The following FAT2 variants were observed in gnomAD, a reference collection of about 807,000 sequenced individuals.
FAT2 encodes the protein FAT atypical cadherin 2, also known as protocadherin Fat 2.
A neutral mutation model predicts 295.3 loss-of-function variants in FAT2; 150 were observed. The ratio of observed to expected loss-of-function variants is 0.51; its 90% CI spans 0.44 to 0.58. The LOEUF is 0.58. Among genes scored for constraint, FAT2 ranks in the 20% least tolerant of loss-of-function variants. FAT2 has a pLI of 0.00. For synonymous variants in FAT2, 2,026 were observed against 2,150.3 expected, an observed-to-expected ratio of 0.94 and a Z score of 1.60; for missense variants, 4,868 against 5,442.7, an observed-to-expected ratio of 0.89 and a Z score of 3.32.
At chr5:151,569,471 A>T (rs1897564) in intron 1 of FAT2, among the ~76,000 whole-genome samples, 140,593 of 152,170 alleles carry the variant, frequency 0.92, 65,272 homozygotes, top group African/African-American at 0.97. Context: ...CCCATGATAC[A>T]GGGGGATTAT....
Position 151,505,758 on chromosome 5 carries a change from C to A in FAT2, c.12857G>T (p.Gly4286Val), listed in dbSNP as rs1290956075. Residue 4286 changes from glycine (G) to valine (V), a missense_variant, in exon 24 of 24, where the codon GGA becomes GTA. By Grantham distance (109) the Gly-to-Val change is moderately radical. This residue lies in a region of FAT2 where 492 missense variants were observed against 482.6 expected (regional missense o/e 1.02). Transcript: ENST00000261800. ...YYHSQFRQGGGGPCLADGGYK... is the reference protein window; with the variant it reads ...YYHSQFRQGGVGPCLADGGYK... Reference sequence around the variant, plus strand: ...GCCCCCGTCTGCCAGGCAGGGCCCTCCCCCTCCCTGCCGGAACTGCGAGTG... The same window carrying A: ...GCCCCCGTCTGCCAGGCAGGGCCCTACCCCTCCCTGCCGGAACTGCGAGTG... 6.2e-7 allele frequency: 1 copy of A among 1,613,484 alleles called. No individual in the cohort carries two copies. Among genetic ancestry groups the A allele is most frequent in the Non-Finnish European group, 8.5e-7 (1 of 1,179,472 alleles).
intron 15 of FAT2, among the ~76,000 whole-genome samples, chr5:151,528,651 A>G (rs1259144150): frequency 6.6e-6 from 1 of 152,182 alleles, no homozygotes; most frequent in Non-Finnish European, 1.5e-5. Flanking sequence ...TGGTTGGAGC[A>G]TAGGGTGCAC....
At chr5:151,551,440 C>G in intron 7 of FAT2, 27 bp downstream of exon 7, 1 of 1,611,212 alleles carries the variant, frequency 6.2e-7, no homozygotes. Flanking sequence ...CCTCTCAATA[C>G]AGGGGTCCCC....
Position 151,567,687 on chromosome 5 carries a change from G to A in FAT2, c.1245C>T (p.Ile415=), listed in dbSNP as rs1758343222. 1 of 1,614,164 alleles carries A rather than the reference G, an allele frequency of 6.2e-7. No individual in the cohort carries two copies. The highest frequency in any genetic ancestry group is 8.5e-7 in the Non-Finnish European group (1 of 1,180,042). Residue 415 remains isoleucine (I), a synonymous_variant, in exon 2 of 24, where the codon ATC becomes ATT. Coordinates refer to ENST00000261800, the MANE Select transcript of FAT2 (RefSeq NM_001447.3). Reference sequence around the variant, plus strand: ...GGAAGTCCATGAGCTTTGTGGTGGTGATCAACCCAGTTCGAGCATTAAGTT... The same window carrying A: ...GGAAGTCCATGAGCTTTGTGGTGGTAATCAACCCAGTTCGAGCATTAAGTT... ...GFKLNARTGL[I]TTTKLMDFHD...
intron 9 of FAT2, 56 bp from the exon 10 acceptor site, chr5:151,546,393 G>A: frequency 1.5e-6 from 2 of 1,367,276 alleles, no homozygotes; most frequent in African/African-American, 1.4e-5. Flanking sequence ...GTATCAGCTA[G>A]GCTTTCTAGA....
At chr5:151,578,702 T>TA (rs1398907899) in intron 1 of FAT2, among the ~76,000 whole-genome samples, 2 of 152,222 alleles carry the variant, frequency 1.3e-5, no homozygotes, top group Admixed American at 6.5e-5. Context: ...ATAGCCAAGA[T>TA]ATGGAATTAC....
At chr5:151,576,794 T>G (rs1303336360) in intron 1 of FAT2, among the ~76,000 whole-genome samples, 1 of 152,146 alleles carries the variant, frequency 6.6e-6, no homozygotes, top group African/African-American at 2.4e-5. Flanking sequence ...ATTCATGGTT[T>G]TTGAGAAGTT....
chr5:151,546,120 G>T lies in FAT2; in HGVS notation c.5007C>A (p.Ile1669=), dbSNP rs35652220. Residue 1669 remains isoleucine, a synonymous_variant, in exon 10 of 24, where the codon ATC becomes ATA. Transcript: ENST00000261800. ...IFSKSEYFVE[I]PESIPVGSPI... ...GGGAACCAACAGGGATTGATTCAGG[G>T]ATCTCTACAAAGTACTCAGATTTTG... The T allele has an allele frequency of 1.8e-3, 2,971 of 1,614,106 alleles. 42 individuals carry two copies. In the African/African-American group the frequency reaches 0.035, roughly 19 times the overall value.
chr5:151,539,996 G>A (rs1755938766), intron 11 of FAT2, among the ~76,000 whole-genome samples: 2 of 152,258 alleles, frequency 1.3e-5, no homozygotes, highest in African/African-American at 4.8e-5. Context: ...CATGGGGTGA[G>A]GGGTTTGTCT....
In FAT2 at chr5:151,550,659, A is replaced by G. The variant is rs763122426; in HGVS notation, c.4509T>C (p.Ser1503=). 1.2e-6 allele frequency: 2 copies of G among 1,614,154 alleles called. No individual in the cohort carries two copies. The highest frequency in any genetic ancestry group is 2.2e-5 in the South Asian group (2 of 91,062). The part of the protein sequence containing the change: ...SASLFQLDPS[S]GVLVTVGKLD... ...ATTTTCCCACCGTTACCAGGACACC[A>G]CTGCTTGGGTCCAGCTGGAAGAGGC... is the stretch of plus-strand genomic sequence containing the variant. The change falls in exon 8 of 24, where the codon AGT becomes AGC. Residue 1503 remains serine (S), a synonymous_variant. Transcript: ENST00000261800.
chr5:151,556,912 A>G lies in FAT2; in HGVS notation c.3575-510T>C, dbSNP rs144047191. ...ACTGTAGGCTGAGGAGCATCAGAAC[A>G]CTAAGGGGAAATGAAACTCGGGGGA... On this transcript the variant is annotated intron_variant, in intron 3 of 23. Transcript: ENST00000261800. 6.9e-4 allele frequency among the ~76,000 whole-genome samples: 105 copies of G among 152,314 alleles called. 2 individuals are homozygous for G. Among genetic ancestry groups the G allele is most frequent in the African/African-American group, 2.4e-3 (99 of 41,566 alleles).
At chr5:151,553,416 G>A in intron 5 of FAT2, 29 bp from the exon 6 acceptor site, 1 of 1,604,516 alleles carries the variant, frequency 6.2e-7, no homozygotes, top group Non-Finnish European at 8.5e-7. Flanking sequence ...CAAAACTGAG[G>A]TTTGGGGCCA....
intron 6 of FAT2, 117 bp downstream of exon 6, chr5:151,553,060 G>C: frequency 1.0e-6 from 1 of 983,436 alleles, no homozygotes. Context: ...GGCTGAAAGA[G>C]GGGCTGCCGA....
chr5:151,545,579 A>G lies in FAT2; in HGVS notation c.5548T>C (p.Leu1850=). Residue 1850 remains leucine, a synonymous_variant, in exon 10 of 24, where the codon TTA becomes CTA. Transcript: ENST00000261800. ...ACTTGGGCAGGTCTGGGTGCAAATAATACAGGGCTTCCTTGGTCATGGACA... is the reference window on the plus strand; with the variant it reads ...ACTTGGGCAGGTCTGGGTGCAAATAGTACAGGGCTTCCTTGGTCATGGACA... The part of the protein sequence containing the change: ...VYVHDQGSPV[L]FAPRPAQVII... The G allele has an allele frequency of 6.2e-7, 1 of 1,614,100 alleles. No homozygotes were observed. Among genetic ancestry groups the G allele is most frequent in the Non-Finnish European group, 8.5e-7 (1 of 1,179,982 alleles).
rs2127580381 is a variant in FAT2 at position 151,521,947 on chromosome 5, A to C, written c.10646T>G (p.Met3549Arg). Reference protein sequence around the residue: ...TVGEDEFQGGMVGKIHATDRD... With the variant: ...TVGEDEFQGGRVGKIHATDRD... ...GTCTGTGGCATGGATCTTACCCACC[A>C]TGCCACCCTGGAACTCATCCTCTCC... The change falls in exon 19 of 24, where the codon ATG becomes AGG. Residue 3549 changes from methionine (M) to arginine (R), a missense_variant. Transcript: ENST00000261800. 1 of 1,614,116 alleles carries C rather than the reference A, an allele frequency of 6.2e-7. No individual in the cohort carries two copies. Among genetic ancestry groups the C allele is most frequent in the Non-Finnish European group, 8.5e-7 (1 of 1,180,012 alleles).
intron 1 of FAT2, among the ~76,000 whole-genome samples, chr5:151,578,421 A>G (rs1758823771): frequency 6.6e-6 from 1 of 152,220 alleles, no homozygotes; most frequent in Non-Finnish European, 1.5e-5. Flanking sequence ...ACTTAAAGCC[A>G]CAATTAGATT....
At chr5:151,523,249 A>G (rs761918282) in intron 18 of FAT2, among the ~76,000 whole-genome samples, 41 of 152,208 alleles carry the variant, frequency 2.7e-4, no homozygotes, top group Middle Eastern at 3.4e-3. Flanking sequence ...TATAGCTAAC[A>G]TTAGTTACAA....
At chr5:151,578,513 G>T (rs1257057134) in intron 1 of FAT2, among the ~76,000 whole-genome samples, 1 of 152,212 alleles carries the variant, frequency 6.6e-6, no homozygotes, top group Admixed American at 6.5e-5. Context: ...ATCAGACACT[G>T]TCAGTGGAAA....
At position 151,531,671 on chromosome 5, in the gene FAT2, G is replaced by A. The variant is rs1754624410; in HGVS notation, c.9727C>T (p.Leu3243Phe). 1.2e-6 allele frequency: 2 copies of A among 1,613,810 alleles called. No homozygotes were observed. The highest frequency in any genetic ancestry group is 1.3e-5 in the African/African-American group (1 of 75,056). The change falls in exon 14 of 24, where the codon CTC becomes TTC. Residue 3243 changes from leucine (L) to phenylalanine (F), a missense_variant. Coordinates refer to ENST00000261800, the MANE Select transcript of FAT2 (RefSeq NM_001447.3). This position sits in a 1 kb window ranked among gnomAD's most constrained non-coding sequence, Gnocchi z 5.7. Reference protein sequence around the residue: ...PGTEVLQLATLTRPGAEKTGY... With the variant: ...PGTEVLQLATFTRPGAEKTGY... ...GTCTTCTCTGCGCCCGGGCGAGTGAGGGTGGCCAGCTGCAGCACCTCCGTG... is the reference window on the plus strand; with the variant it reads ...GTCTTCTCTGCGCCCGGGCGAGTGAAGGTGGCCAGCTGCAGCACCTCCGTG...
Sources: gnomAD v4.1 joint callset for allele counts (sites outside exome capture counted in the v4.1 genomes callset) on GRCh38, gnomAD v4.1.1 for gene constraint, gnomAD v4.1.1 regional missense constraint, Gnocchi (gnomAD v3.1) non-coding constraint, MANE v1.5 for transcripts, NCBI Gene and HGNC (gene_info 2026-07-23, HGNC 2026-07-21) for gene names.